SLC8A1: variants seen among roughly 807,000 people sequenced by gnomAD.
SLC8A1 encodes the protein solute carrier family 8 member A1, also known as sodium/calcium exchanger 1.
A neutral mutation model predicts 68.3 loss-of-function variants in SLC8A1; 18 were observed. The observed-to-expected ratio is 0.26, with a 90% CI of 0.18 to 0.39. The LOEUF (loss-of-function observed/expected upper bound fraction) is 0.39, where lower values mean the gene tolerates loss of function less well. Among genes scored for constraint, SLC8A1 ranks in the 10% least tolerant of loss-of-function variants. SLC8A1 has a pLI of 1.00. For synonymous variants in SLC8A1, 475 were observed against 415.5 expected (o/e 1.14, Z -1.74); for missense variants, 985 against 1,156.7 (o/e 0.85, Z 2.15).
intron 2 of SLC8A1, among the ~76,000 whole-genome samples, chr2:40,346,777 G>GGAAAGGGAA (rs941956807): frequency 2.0e-5 from 3 of 151,974 alleles, no homozygotes; most frequent in Non-Finnish European, 2.9e-5. Flanking sequence ...ATAAACTAAA[G>GGAAAGGGAA]GAAAGGGAAA....
intron 2 of SLC8A1, among the ~76,000 whole-genome samples, chr2:40,228,096 G>A (rs771716051): frequency 2.6e-5 from 4 of 152,026 alleles, no homozygotes; most frequent in Non-Finnish European, 5.9e-5. Flanking sequence ...CATTTGTCTT[G>A]AGGACTGCCT....
chr2:40,193,508 A>G (rs1186253287), intron 2 of SLC8A1, among the ~76,000 whole-genome samples: 2 of 152,094 alleles, frequency 1.3e-5, no homozygotes, highest in Non-Finnish European at 2.9e-5. Context: ...AGACTTGGAA[A>G]GGCATGGCAT....
intron 2 of SLC8A1, among the ~76,000 whole-genome samples, chr2:40,256,550 T>C (rs1288294018): frequency 6.6e-6 from 1 of 152,254 alleles, no homozygotes; most frequent in Non-Finnish European, 1.5e-5. Flanking sequence ...TTTAATGTTC[T>C]TGTTTCCTCT....
chr2:40,109,793 A>C (rs756055863), exon 8 of SLC8A1: 12 of 152,198 alleles, frequency 7.9e-5, no homozygotes, highest in Admixed American at 5.9e-4. Flanking sequence ...AGGGAAGCAT[A>C]ATTCTAAAAA....
chr2:40,192,373 T>G (rs1156653074), intron 2 of SLC8A1, among the ~76,000 whole-genome samples: 1 of 152,078 alleles, frequency 6.6e-6, no homozygotes, highest in Admixed American at 6.6e-5. Flanking sequence ...GAGTTTTTTT[T>G]ACATTTATAT....
At chr2:40,402,854 C>T (rs114000282) in intron 2 of SLC8A1, among the ~76,000 whole-genome samples, 94 of 152,342 alleles carry the variant, frequency 6.2e-4, no homozygotes, top group African/African-American at 2.2e-3. Flanking sequence ...TAACTTTGTG[C>T]TCAGTAAACT....
chr2:40,440,983 C>G (rs886254782), intron 1 of SLC8A1, among the ~76,000 whole-genome samples: 1 of 152,170 alleles, frequency 6.6e-6, no homozygotes, highest in African/African-American at 2.4e-5. Context: ...AAGAGGAAGT[C>G]AGATTGTCTC....
At chr2:40,387,475 C>T (rs372594158) in intron 2 of SLC8A1, among the ~76,000 whole-genome samples, 3 of 151,214 alleles carry the variant, frequency 2.0e-5, no homozygotes, top group African/African-American at 7.4e-5. Context: ...AAACCAGATA[C>T]AAAACATCGC....
chr2:40,334,215 G>A (rs768049587), intron 2 of SLC8A1, among the ~76,000 whole-genome samples: 94 of 152,308 alleles, frequency 6.2e-4, no homozygotes, highest in Middle Eastern at 3.4e-3. Context: ...GAGGTTTAGA[G>A]AAGTTAGTGA....
At chr2:40,182,949 C>G (rs1318597106) in intron 2 of SLC8A1, among the ~76,000 whole-genome samples, 3 of 152,154 alleles carry the variant, frequency 2.0e-5, no homozygotes, top group Non-Finnish European at 4.4e-5. Flanking sequence ...CATTTTAGAT[C>G]CTTACACAAA....
chr2:40,495,110 C>T (rs1273793689), intron 1 of SLC8A1, among the ~76,000 whole-genome samples: 4 of 151,758 alleles, frequency 2.6e-5, no homozygotes, highest in Non-Finnish European at 5.9e-5. Flanking sequence ...TAACATAAGC[C>T]CTACAGGTAA....
intron 2 of SLC8A1, among the ~76,000 whole-genome samples, chr2:40,381,315 T>A (rs919952554): frequency 6.6e-6 from 1 of 151,998 alleles, no homozygotes; most frequent in Non-Finnish European, 1.5e-5. Flanking sequence ...GAAATTAACT[T>A]TTCCATTTCC....
chr2:40,139,905 C>T (rs1179873390), intron 6 of SLC8A1, among the ~76,000 whole-genome samples: 2 of 152,174 alleles, frequency 1.3e-5, no homozygotes, highest in Admixed American at 1.3e-4. Context: ...AAAAACTTAA[C>T]CCCTACCCAG....
intron 2 of SLC8A1, among the ~76,000 whole-genome samples, chr2:40,192,428 T>C (rs975247377): frequency 6.6e-6 from 1 of 152,170 alleles, no homozygotes; most frequent in Admixed American, 6.6e-5. Context: ...AATTGACTGC[T>C]AGAACATGAG....
chr2:40,252,054 A>ACAATAAATGGTTAATCAGTG (rs1309612532), intron 2 of SLC8A1, among the ~76,000 whole-genome samples: 1 of 152,204 alleles, frequency 6.6e-6, no homozygotes, highest in Non-Finnish European at 1.5e-5. Flanking sequence ...TGTTGAGCAA[A>ACAATAAATGGTTAATCAGTG]CAATAAATGG....
intron 2 of SLC8A1, among the ~76,000 whole-genome samples, chr2:40,300,931 T>A (rs1365401512): frequency 6.6e-6 from 1 of 152,298 alleles, no homozygotes; most frequent in African/African-American, 2.4e-5. Flanking sequence ...ATTTACTTGA[T>A]ATTTAGTAAT....
At chr2:40,340,300 C>T (rs1161444960) in intron 2 of SLC8A1, among the ~76,000 whole-genome samples, 4 of 152,112 alleles carry the variant, frequency 2.6e-5, no homozygotes, top group Non-Finnish European at 5.9e-5. Context: ...GTGGCTCATG[C>T]CTGTAATTCC....
At chr2:40,377,293 C>T (rs1680206132) in intron 2 of SLC8A1, among the ~76,000 whole-genome samples, 1 of 151,990 alleles carries the variant, frequency 6.6e-6, no homozygotes, top group Non-Finnish European at 1.5e-5. Context: ...TGCCAAAAAC[C>T]ACATGAGTTT....
chr2:40,305,377 T>C (rs982439509), intron 2 of SLC8A1, among the ~76,000 whole-genome samples: 2 of 152,198 alleles, frequency 1.3e-5, no homozygotes, highest in African/African-American at 4.8e-5. Context: ...CCCTAACCTC[T>C]ACCCACTAGG....
Sources: gnomAD v4.1 joint callset for allele counts (sites outside exome capture counted in the v4.1 genomes callset) on GRCh38, gnomAD v4.1.1 for gene constraint, MANE v1.5 for transcripts, NCBI Gene and HGNC (gene_info 2026-07-23, HGNC 2026-07-21) for gene names.